Variants in LAMA2 observed in about 807,000 individuals in gnomAD.
LAMA2 encodes laminin subunit alpha 2, also known as laminin subunit alpha-2.
A neutral mutation model predicts 364.8 loss-of-function variants in LAMA2; 269 were observed. The observed-to-expected ratio is 0.74, with a 90% CI of 0.67 to 0.82. The LOEUF (loss-of-function observed/expected upper bound fraction) is 0.82. Among genes scored for constraint, LAMA2 ranks in the 40% least tolerant of loss-of-function variants. The pLI, the probability that LAMA2 is intolerant of heterozygous loss-of-function variation, is 0.00. For missense variants in LAMA2, 3,807 were observed against 3,873.2 expected, an observed-to-expected ratio of 0.98 and a Z score of 0.45; for synonymous variants, 1,379 against 1,370.6, an observed-to-expected ratio of 1.01 and a Z score of -0.14.
At chr6:129,377,524 T>C (rs981232363) in intron 34 of LAMA2, among the ~76,000 whole-genome samples, 10 of 152,214 alleles carry the variant, frequency 6.6e-5, no homozygotes, top group Middle Eastern at 3.2e-3. Flanking sequence ...GGTTGCTCCT[T>C]CTTTCCTTGT....
At chr6:129,384,568 C>G (rs1196005431) in intron 35 of LAMA2, among the ~76,000 whole-genome samples, 2 of 152,128 alleles carry the variant, frequency 1.3e-5, no homozygotes, top group African/African-American at 2.4e-5. Flanking sequence ...CATCTCCCAC[C>G]AAAGAGAGAT....
intron 35 of LAMA2, among the ~76,000 whole-genome samples, chr6:129,385,666 G>A (rs1778975932): frequency 6.6e-6 from 1 of 151,978 alleles, no homozygotes; most frequent in Admixed American, 6.6e-5. Flanking sequence ...TATCTACCGT[G>A]CTATGACTCC....
At chr6:129,178,625 T>G (rs1211325080) in intron 10 of LAMA2, among the ~76,000 whole-genome samples, 2 of 152,176 alleles carry the variant, frequency 1.3e-5, no homozygotes, top group East Asian at 3.8e-4. Flanking sequence ...AAAGTTAGCA[T>G]ACCATACTTA....
chr6:129,172,480 G>A (rs960621010), intron 9 of LAMA2, among the ~76,000 whole-genome samples: 14 of 152,234 alleles, frequency 9.2e-5, no homozygotes, highest in East Asian at 5.8e-4. Flanking sequence ...TCCCAGTTAC[G>A]CTGCTCAGGG....
At chr6:128,997,488 A>T (rs998695190) in intron 1 of LAMA2, among the ~76,000 whole-genome samples, 1 of 152,190 alleles carries the variant, frequency 6.6e-6, no homozygotes, top group Non-Finnish European at 1.5e-5. Flanking sequence ...CAAACTGGCT[A>T]TTCAAGACTT....
chr6:128,888,898 A>G (rs1776294384), intron 1 of LAMA2, among the ~76,000 whole-genome samples: 1 of 152,174 alleles, frequency 6.6e-6, no homozygotes. Context: ...CCAAGCATAG[A>G]ATTATTTTAG....
At chr6:128,956,973 T>C (rs567266549) in intron 1 of LAMA2, among the ~76,000 whole-genome samples, 110 of 152,238 alleles carry the variant, frequency 7.2e-4, no homozygotes, top group African/African-American at 2.4e-3. Context: ...TTAAAGGTTA[T>C]ACTCTCATTC....
intron 53 of LAMA2, 49 bp downstream of exon 53, chr6:129,475,450 A>T: frequency 6.8e-7 from 1 of 1,464,238 alleles, no homozygotes; most frequent in Non-Finnish European, 9.5e-7. Context: ...GGGTTGGGTA[A>T]ATGTGGCTTC....
At chr6:128,934,461 C>CT (rs1004896923) in intron 1 of LAMA2, among the ~76,000 whole-genome samples, 10 of 151,546 alleles carry the variant, frequency 6.6e-5, no homozygotes, top group African/African-American at 2.2e-4. Flanking sequence ...AATTCTTATT[C>CT]TTTTTTTTAG....
intron 52 of LAMA2, 144 bp downstream of exon 52, chr6:129,473,496 T>G (rs1369498537): frequency 8.2e-6 from 6 of 730,828 alleles, no homozygotes; most frequent in Non-Finnish European, 1.1e-5. Context: ...TCATGTTGCA[T>G]GTTAGAACAA....
chr6:129,126,633 A>C (rs577083977), intron 4 of LAMA2, among the ~76,000 whole-genome samples: 13 of 152,314 alleles, frequency 8.5e-5, no homozygotes, highest in African/African-American at 3.1e-4. Context: ...ATCAAAACCC[A>C]ATTTTGAATA....
chr6:129,182,194 A>G lies in LAMA2; in HGVS notation c.1467+4328A>G, dbSNP rs907107917. On this transcript the variant is annotated intron_variant, in intron 10 of 64. Coordinates refer to ENST00000421865, the MANE Select transcript of LAMA2 (RefSeq NM_000426.4). Reference sequence around the variant, plus strand: ...AAAATTGAGATAATTTTTAAAGGTTATTGAAGAACATAAAATTCTAAATGA... The same window carrying G: ...AAAATTGAGATAATTTTTAAAGGTTGTTGAAGAACATAAAATTCTAAATGA... 2.0e-5 allele frequency among the ~76,000 whole-genome samples: 3 copies of G among 152,032 alleles called. No homozygotes were observed. In the South Asian group the frequency reaches 6.2e-4, roughly 32 times the overall value.
intron 30 of LAMA2, 133 bp downstream of exon 30, chr6:129,342,600 A>G (rs1776330693): frequency 1.2e-6 from 1 of 827,296 alleles, no homozygotes; most frequent in Non-Finnish European, 1.8e-6. Context: ...TTTTAATAAT[A>G]TAGAAACATG....
Position 129,048,993 on chromosome 6 carries a change from C to T in LAMA2, c.113-925C>T, listed in dbSNP as rs114663456. On this transcript the variant is annotated intron_variant, in intron 1 of 64. Coordinates refer to ENST00000421865, the MANE Select transcript of LAMA2 (RefSeq NM_000426.4). ...ATAGAGCTGAAACAACCTAGATGGT[C>T]GGCATATTTTCTCCATAAATAGAGT... Among the ~76,000 whole-genome samples the T allele has an allele frequency of 8.3e-3, 1,265 of 152,128 alleles. 26 individuals carry two copies. Among genetic ancestry groups the T allele is most frequent in the African/African-American group, 0.029 (1,194 of 41,508 alleles).
chr6:129,159,062 C>T (rs1665175719), intron 8 of LAMA2: 4 of 1,581,860 alleles, frequency 2.5e-6, no homozygotes, highest in Admixed American at 1.7e-5. Context: ...TCCTTGAACA[C>T]GAGAAATGAT....
chr6:129,250,280 T>A, intron 13 of LAMA2, 67 bp downstream of exon 13: 1 of 969,368 alleles, frequency 1.0e-6, no homozygotes, highest in Non-Finnish European at 1.7e-6. Flanking sequence ...CAGTACTGTA[T>A]TTTTTACCTG....
chr6:129,133,893 C>T (rs1354862819), intron 4 of LAMA2, among the ~76,000 whole-genome samples: 2 of 152,080 alleles, frequency 1.3e-5, no homozygotes, highest in East Asian at 3.9e-4. Flanking sequence ...CGCGCACACA[C>T]AATTCAACTT....
At chr6:128,905,040 T>A (rs1172217182) in intron 1 of LAMA2, among the ~76,000 whole-genome samples, 1 of 152,212 alleles carries the variant, frequency 6.6e-6, no homozygotes, top group East Asian at 1.9e-4. Context: ...TTTAGTCGGA[T>A]ATTGGTTGAC....
intron 10 of LAMA2, among the ~76,000 whole-genome samples, chr6:129,180,938 C>T (rs760861889): frequency 3.3e-5 from 5 of 151,942 alleles, no homozygotes; most frequent in Non-Finnish European, 7.4e-5. Context: ...GACCCACAGA[C>T]GGAAATTGCA....
Sources: gnomAD v4.1 joint callset for allele counts (sites outside exome capture counted in the v4.1 genomes callset) on GRCh38, gnomAD v4.1.1 for gene constraint, MANE v1.5 for transcripts, NCBI Gene and HGNC (gene_info 2026-07-23, HGNC 2026-07-21) for gene names.